RIGI: variants seen among roughly 807,000 people sequenced by gnomAD.
RIGI encodes the protein antiviral innate immune response receptor RIG-I.
the RIGI span, among the ~76,000 whole-genome samples, chr9:32,479,094 C>T: frequency 6.6e-6 from 1 of 152,180 alleles, no homozygotes; most frequent in Admixed American, 6.5e-5. Flanking sequence ...TATATACCAA[C>T]AACCATATCA....
At chr9:32,491,203 CT>C in the RIGI span, 26 of 1,408,446 alleles carry the variant, frequency 1.8e-5, no homozygotes, top group Non-Finnish European at 2.5e-5. Flanking sequence ...CCTTACAAAA[CT>C]TTTCACAAGG....
At chr9:32,493,197 A>G in the RIGI span, among the ~76,000 whole-genome samples, 1 of 152,232 alleles carries the variant, frequency 6.6e-6, no homozygotes, top group African/African-American at 2.4e-5. Flanking sequence ...TAGAGTCTGT[A>G]GCCCTTTCTC....
At chr9:32,517,350 A>G in the RIGI span, among the ~76,000 whole-genome samples, 2 of 152,228 alleles carry the variant, frequency 1.3e-5, no homozygotes, top group Non-Finnish European at 2.9e-5. Context: ...GTTCCAAGGT[A>G]AAAGCTGTTG....
At chr9:32,487,826 G>A in the RIGI span, 2 of 1,336,260 alleles carry the variant, frequency 1.5e-6, no homozygotes. Flanking sequence ...TTCATAATGA[G>A]TTGTACAATA....
At chr9:32,499,682 C>T in the RIGI span, among the ~76,000 whole-genome samples, 1 of 152,278 alleles carries the variant, frequency 6.6e-6, no homozygotes, top group East Asian at 1.9e-4. Context: ...TCTCAAACTC[C>T]TGACGTCAGG....
chr9:32,456,049 C>T, the RIGI span: 1 of 152,150 alleles, frequency 6.6e-6, no homozygotes. Flanking sequence ...CATCAGCAAA[C>T]CTTGCTAAGT....
chr9:32,526,159 G>A, the RIGI span: 1 of 1,612,604 alleles, frequency 6.2e-7, no homozygotes, highest in East Asian at 2.2e-5. Context: ...TCGCTGCTCG[G>A]TGGTCATGCC....
chr9:32,497,885 A>G, the RIGI span, among the ~76,000 whole-genome samples: 18 of 152,230 alleles, frequency 1.2e-4, no homozygotes, highest in Non-Finnish European at 2.4e-4. Flanking sequence ...AGGACTTCCA[A>G]TACTAAACCT....
the RIGI span, among the ~76,000 whole-genome samples, chr9:32,520,895 C>T: frequency 6.6e-6 from 1 of 150,748 alleles, no homozygotes; most frequent in South Asian, 2.1e-4. Context: ...CCTGTAATCC[C>T]AGCACTTTGG....
the RIGI span, among the ~76,000 whole-genome samples, chr9:32,516,497 G>A: frequency 6.6e-6 from 1 of 152,154 alleles, no homozygotes; most frequent in Non-Finnish European, 1.5e-5. Flanking sequence ...ATTTTGGCTG[G>A]AAGTGAGTTT....
chr9:32,493,361 C>T, the RIGI span, among the ~76,000 whole-genome samples: 1 of 152,212 alleles, frequency 6.6e-6, no homozygotes, highest in South Asian at 2.1e-4. Flanking sequence ...CACGGTGGCT[C>T]ACGCCTGTAA....
At chr9:32,524,297 C>T in the RIGI span, among the ~76,000 whole-genome samples, 2 of 152,120 alleles carry the variant, frequency 1.3e-5, no homozygotes, top group Non-Finnish European at 2.9e-5. Context: ...ATAATACTGA[C>T]ACGAGTTGCT....
At chr9:32,498,203 T>C in the RIGI span, 12 of 447,022 alleles carry the variant, frequency 2.7e-5, no homozygotes, top group East Asian at 7.0e-4. Flanking sequence ...AGAGTTTTCA[T>C]GTCCTCTGCT....
At chr9:32,488,235 C>G in the RIGI span, 3 of 1,604,564 alleles carry the variant, frequency 1.9e-6, no homozygotes, top group Non-Finnish European at 2.6e-6. Flanking sequence ...ATATTACTAA[C>G]CACGATGTGG....
chr9:32,477,321 A>C, the RIGI span, among the ~76,000 whole-genome samples: 1 of 152,226 alleles, frequency 6.6e-6, no homozygotes, highest in African/African-American at 2.4e-5. Flanking sequence ...AACATAATAC[A>C]CACACATCTT....
At chr9:32,490,211 C>CA in the RIGI span, among the ~76,000 whole-genome samples, 6 of 151,788 alleles carry the variant, frequency 4.0e-5, no homozygotes, top group South Asian at 1.2e-3. Context: ...CCCACCTCTC[C>CA]AAAAAAAATA....
the RIGI span, chr9:32,493,717 G>A: frequency 7.7e-7 from 1 of 1,305,708 alleles, no homozygotes; most frequent in Non-Finnish European, 1.1e-6. Flanking sequence ...ACCTTCCCAT[G>A]TTATAATTAT....
the RIGI span, among the ~76,000 whole-genome samples, chr9:32,524,375 TGTTA>T: frequency 6.6e-6 from 1 of 152,140 alleles, no homozygotes; most frequent in Non-Finnish European, 1.5e-5. Context: ...TCACACCAGT[TGTTA>T]GTGTTTCTTC....
the RIGI span, chr9:32,485,502 G>A: frequency 5.3e-6 from 3 of 560,816 alleles, no homozygotes; most frequent in African/African-American, 4.1e-5. Context: ...TCTAACACCT[G>A]TCTTTCATGG....
Sources: allele counts gnomAD v4.1 joint callset (sites outside exome capture counted in the v4.1 genomes callset), GRCh38; gene constraint gnomAD v4.1.1; transcripts MANE v1.5; gene names NCBI Gene and HGNC (gene_info 2026-07-23, HGNC 2026-07-21).